MGAT5: variants seen among roughly 807,000 people sequenced by gnomAD.
The protein encoded by MGAT5 is alpha-1,6-mannosylglycoprotein 6-beta-N-acetylglucosaminyltransferase A.
A neutral mutation model predicts 94.3 loss-of-function variants in MGAT5; 30 were observed. The observed-to-expected ratio is 0.32, with a 90% CI of 0.24 to 0.43. The LOEUF (loss-of-function observed/expected upper bound fraction) is 0.43. Among genes scored for constraint, MGAT5 ranks in the 20% least tolerant of loss-of-function variants. The pLI is 1.00. For missense variants in MGAT5, 691 were observed against 905.5 expected (o/e 0.76, Z 3.04); for synonymous variants, 310 against 322.9 (o/e 0.96, Z 0.43).
In MGAT5 at chr2:134,449,736, A is replaced by C. The variant is rs1278738054; in HGVS notation, c.*889A>C. 2 of 152,208 alleles carry C rather than the reference A, an allele frequency of 1.3e-5. No individual in the cohort carries two copies. Among genetic ancestry groups the C allele is most frequent in the African/African-American group, 4.8e-5 (2 of 41,440 alleles). 9.4% of individuals were successfully genotyped at this position (152,208 alleles called of 1,614,324 possible). On this transcript the variant is annotated 3_prime_UTR_variant, in exon 16 of 16. Coordinates refer to ENST00000281923, the MANE Select transcript of MGAT5 (RefSeq NM_002410.5). Reference sequence around the variant, plus strand: ...CCCTCCAGCCCCGCTATGAGGAGGAAAGTAGAGATGAAAGACTCACGCTGT... The same window carrying C: ...CCCTCCAGCCCCGCTATGAGGAGGACAGTAGAGATGAAAGACTCACGCTGT...
At chr2:134,173,060 C>T (rs1188535752) in intron 1 of MGAT5, among the ~76,000 whole-genome samples, 1 of 152,130 alleles carries the variant, frequency 6.6e-6, no homozygotes, top group Non-Finnish European at 1.5e-5. Flanking sequence ...CTAGCTGTCA[C>T]CTTGAGAGTT....
chr2:134,229,288 T>C (rs1258518240), intron 1 of MGAT5, among the ~76,000 whole-genome samples: 1 of 152,230 alleles, frequency 6.6e-6, no homozygotes, highest in Non-Finnish European at 1.5e-5. Context: ...GTGATAGTAA[T>C]GGAAATGGTT....
intron 12 of MGAT5, among the ~76,000 whole-genome samples, chr2:134,415,846 T>C (rs1343494600): frequency 1.3e-5 from 2 of 152,182 alleles, no homozygotes. Flanking sequence ...GAAATCAAGT[T>C]TTCCAAATAT....
intron 1 of MGAT5, among the ~76,000 whole-genome samples, chr2:134,189,605 T>TTG (rs761974546): frequency 9.4e-6 from 1 of 106,624 alleles, no homozygotes; most frequent in African/African-American, 4.4e-5. Flanking sequence ...TTTTTTTGTT[T>TTG]TTTTTTTTTT....
At chr2:134,231,963 G>A (rs920027854) in intron 1 of MGAT5, among the ~76,000 whole-genome samples, 1 of 152,134 alleles carries the variant, frequency 6.6e-6, no homozygotes, top group African/African-American at 2.4e-5. Flanking sequence ...CTATTGCTCT[G>A]TGGAAGCTTC....
At chr2:134,421,900 GC>G (rs1235051017) in intron 12 of MGAT5, among the ~76,000 whole-genome samples, 1 of 152,118 alleles carries the variant, frequency 6.6e-6, no homozygotes, top group Non-Finnish European at 1.5e-5. Flanking sequence ...GAGCACAGTG[GC>G]TTGTGCCTGT....
intron 2 of MGAT5, among the ~76,000 whole-genome samples, chr2:134,300,170 G>A (rs1165248144): frequency 6.6e-6 from 1 of 152,108 alleles, no homozygotes; most frequent in Non-Finnish European, 1.5e-5. Context: ...GCATGATGCT[G>A]GAAAATAATA....
chr2:134,168,890 A>G (rs1688072387), intron 1 of MGAT5, among the ~76,000 whole-genome samples: 1 of 152,160 alleles, frequency 6.6e-6, no homozygotes, highest in Non-Finnish European at 1.5e-5. Context: ...GTCCATAGGG[A>G]ATAAGAGAAA....
chr2:134,256,313 C>T (rs1293907514), intron 1 of MGAT5, among the ~76,000 whole-genome samples: 1 of 152,122 alleles, frequency 6.6e-6, no homozygotes, highest in African/African-American at 2.4e-5. Context: ...ATTAGTGTTA[C>T]CAATGTATAT....
chr2:134,185,961 G>A (rs1489818053), intron 1 of MGAT5, among the ~76,000 whole-genome samples: 1 of 152,234 alleles, frequency 6.6e-6, no homozygotes, highest in African/African-American at 2.4e-5. Flanking sequence ...CTGAGAGCCT[G>A]TGATATTTGG....
At chr2:134,353,569 T>C (rs1679531941) in intron 9 of MGAT5, among the ~76,000 whole-genome samples, 1 of 152,186 alleles carries the variant, frequency 6.6e-6, no homozygotes. Context: ...GAATTCAGCT[T>C]TGATCATGCC....
intron 1 of MGAT5, among the ~76,000 whole-genome samples, chr2:134,160,494 G>C (rs1306387180): frequency 6.6e-6 from 1 of 152,204 alleles, no homozygotes; most frequent in Non-Finnish European, 1.5e-5. Flanking sequence ...AATGCAGGCT[G>C]GCTCACCCAA....
intron 10 of MGAT5, among the ~76,000 whole-genome samples, chr2:134,401,300 A>G (rs1683040256): frequency 3.9e-5 from 6 of 152,108 alleles, no homozygotes; most frequent in Admixed American, 3.9e-4. Flanking sequence ...CAACGCTCAA[A>G]TGACCTTTTT....
At chr2:134,338,209 G>C in intron 5 of MGAT5, 50 bp from the exon 6 acceptor site, 1 of 1,466,094 alleles carries the variant, frequency 6.8e-7, no homozygotes. Context: ...AAACTATTAT[G>C]CTTTCTGACT....
chr2:134,397,471 C>T (rs1682783698), intron 10 of MGAT5, among the ~76,000 whole-genome samples: 2 of 152,026 alleles, frequency 1.3e-5, no homozygotes, highest in Admixed American at 1.3e-4. Flanking sequence ...AGGAGCTCTA[C>T]CTTGGAATAG....
chr2:134,153,852 C>A (rs1687346808), intron 1 of MGAT5, among the ~76,000 whole-genome samples: 1 of 152,076 alleles, frequency 6.6e-6, no homozygotes, highest in African/African-American at 2.4e-5. Context: ...GAGGAGAAGG[C>A]CCTAATGCTA....
chr2:134,448,681 C>T lies in MGAT5; in HGVS notation c.2060C>T (p.Ala687Val). The change falls in exon 16 of 16, where the codon GCC becomes GTC. Residue 687 changes from alanine (A) to valine (V), a missense_variant. By Grantham distance (64) the Ala-to-Val change is moderately conservative. Coordinates refer to ENST00000281923, the MANE Select transcript of MGAT5 (RefSeq NM_002410.5). ...GTGACCTGCCAAAGCTCAGAGCTGG[C>T]CAAGGACATCCTGGTGCCCTCCTTT... ...YKVTCQSSEL[A>V]KDILVPSFDP... 6.2e-7 allele frequency: 1 copy of T among 1,614,190 alleles called. No homozygotes were observed. The highest frequency in any genetic ancestry group is 1.1e-5 in the South Asian group (1 of 91,078).
At chr2:134,189,602 G>GTTGTTGTTTTTTTTTTTT (rs1689232395) in intron 1 of MGAT5, among the ~76,000 whole-genome samples, 1 of 84,672 alleles carries the variant, frequency 1.2e-5, no homozygotes, top group African/African-American at 4.8e-5. Flanking sequence ...GTTTTTTTTT[G>GTTGTTGTTTTTTTTTTTT]TTTTTTTTTT....
In MGAT5 at chr2:134,131,220, C is replaced by A. The variant is rs147469403; in HGVS notation, c.-143+10929C>A. Among the ~76,000 whole-genome samples, 278 of 152,318 alleles carry A rather than the reference C, an allele frequency of 1.8e-3. 2 individuals carry two copies. Among genetic ancestry groups the A allele is most frequent in the East Asian group, 0.015 (79 of 5,190 alleles). The stretch of plus-strand genomic sequence containing the variant: ...TCCGAACATCAGAAGGAACAAACTC[C>A]GGTCACGCTGCCTTTAAGAACCGTC... On this transcript the variant is annotated intron_variant, in intron 1 of 16. Transcript: ENST00000409645.
Sources: gnomAD v4.1 joint callset for allele counts (sites outside exome capture counted in the v4.1 genomes callset) on GRCh38, gnomAD v4.1.1 for gene constraint, MANE v1.5 for transcripts, NCBI Gene and HGNC (gene_info 2026-07-23, HGNC 2026-07-21) for gene names.